The following CTNNA2 variants were observed in gnomAD, a reference collection of about 807,000 sequenced individuals.
CTNNA2 encodes the protein catenin alpha-2.
CTNNA2 carries 42 observed loss-of-function variants against 101.0 expected under a neutral mutation model. The ratio of observed to expected loss-of-function variants is 0.42; its 90% CI spans 0.32 to 0.54. The LOEUF (loss-of-function observed/expected upper bound fraction) is 0.54, where lower values mean the gene tolerates loss of function less well. CTNNA2 is among the 20% of genes least tolerant of loss of function. The pLI, the probability that CTNNA2 is intolerant of heterozygous loss-of-function variation, is 0.14. For missense variants in CTNNA2, 871 were observed against 1,223.1 expected, an observed-to-expected ratio of 0.71 and a Z score of 4.29; for synonymous variants, 450 against 456.4, an observed-to-expected ratio of 0.99 and a Z score of 0.18.
chr2:79,356,502 G>A (rs1205843930), intron 3 of CTNNA2, among the ~76,000 whole-genome samples: 1 of 152,166 alleles, frequency 6.6e-6, no homozygotes, highest in Non-Finnish European at 1.5e-5. Flanking sequence ...AAGAGGCTGA[G>A]ATGCCAAGAA....
intron 2 of CTNNA2, among the ~76,000 whole-genome samples, chr2:79,711,449 A>G (rs1025077291): frequency 1.3e-5 from 2 of 152,164 alleles, no homozygotes; most frequent in Non-Finnish European, 2.9e-5. Context: ...CCAATCCCAG[A>G]AGGCAGAAGG....
At chr2:80,220,335 A>C (rs558486010) in intron 7 of CTNNA2, among the ~76,000 whole-genome samples, 1 of 152,378 alleles carries the variant, frequency 6.6e-6, no homozygotes, top group South Asian at 2.1e-4. Context: ...CTCACAAATA[A>C]TAGAAGACTC....
At chr2:80,220,034 A>T (rs963011881) in intron 7 of CTNNA2, among the ~76,000 whole-genome samples, 3 of 152,270 alleles carry the variant, frequency 2.0e-5, no homozygotes, top group Admixed American at 6.5e-5. Context: ...AAAAATACCC[A>T]ACTTCCTGTG....
chr2:80,051,904 C>T (rs1198788407), intron 7 of CTNNA2, among the ~76,000 whole-genome samples: 1 of 152,168 alleles, frequency 6.6e-6, no homozygotes, highest in Non-Finnish European at 1.5e-5. Flanking sequence ...GTACTCTCGT[C>T]ATTTTCTTTT....
intron 12 of CTNNA2, among the ~76,000 whole-genome samples, chr2:80,559,177 A>C (rs1320299962): frequency 6.6e-6 from 1 of 152,220 alleles, no homozygotes; most frequent in Non-Finnish European, 1.5e-5. Flanking sequence ...ATAACCCAAA[A>C]TAGGGACAAG....
At chr2:79,790,682 G>T (rs1350572676) in intron 3 of CTNNA2, among the ~76,000 whole-genome samples, 3 of 152,138 alleles carry the variant, frequency 2.0e-5, no homozygotes, top group African/African-American at 7.2e-5. Flanking sequence ...AGAATTATCA[G>T]TTGGCTACCA....
chr2:79,726,629 C>G (rs1647320810), intron 2 of CTNNA2, among the ~76,000 whole-genome samples: 1 of 152,200 alleles, frequency 6.6e-6, no homozygotes, highest in African/African-American at 2.4e-5. Flanking sequence ...GCCCATGAAA[C>G]TGGTCCCTGG....
chr2:80,629,701 G>C (rs975867309), intron 18 of CTNNA2, among the ~76,000 whole-genome samples: 1 of 152,124 alleles, frequency 6.6e-6, no homozygotes, highest in Non-Finnish European at 1.5e-5. Context: ...TAGGGAGCTT[G>C]TTGTAGTTAT....
chr2:79,270,063 C>T (rs1014613120), intron 2 of CTNNA2, among the ~76,000 whole-genome samples: 2 of 152,118 alleles, frequency 1.3e-5, no homozygotes, highest in African/African-American at 4.8e-5. Context: ...GAGCATCTCT[C>T]TTCTTCCTTT....
At chr2:79,202,534 C>T (rs1674050916) in intron 2 of CTNNA2, among the ~76,000 whole-genome samples, 1 of 152,010 alleles carries the variant, frequency 6.6e-6, no homozygotes, top group Non-Finnish European at 1.5e-5. Flanking sequence ...CGTGAATGCA[C>T]CATATCAGAA....
At position 80,302,299 on chromosome 2, in the gene CTNNA2, A is replaced by G. The variant is rs1676403759; in HGVS notation, c.1057-90912A>G. 2 of 1,614,152 alleles carry G rather than the reference A, an allele frequency of 1.2e-6. No homozygotes were observed. The highest frequency in any genetic ancestry group is 4.5e-5 in the East Asian group (2 of 44,876). On this transcript the variant is annotated intron_variant, in intron 7 of 18. Coordinates refer to ENST00000402739, the MANE Select transcript of CTNNA2 (RefSeq NM_001282597.3). This position sits in a 1 kb window ranked among gnomAD's most constrained non-coding sequence, Gnocchi z 6.4. ...GCTGCTGGTGGCAGGTACACGAGCCATACTCGTTGATGATCACCAGGGCTC... is the reference window on the plus strand; with the variant it reads ...GCTGCTGGTGGCAGGTACACGAGCCGTACTCGTTGATGATCACCAGGGCTC...
chr2:79,841,874 G>T (rs539362331), intron 3 of CTNNA2, among the ~76,000 whole-genome samples: 1 of 152,268 alleles, frequency 6.6e-6, no homozygotes, highest in Admixed American at 6.5e-5. Flanking sequence ...AGAACAAAAA[G>T]GATTTGGGAC....
intron 3 of CTNNA2, among the ~76,000 whole-genome samples, chr2:79,749,347 T>C (rs1269977758): frequency 6.6e-6 from 1 of 152,194 alleles, no homozygotes; most frequent in African/African-American, 2.4e-5. Context: ...AGCATTTATA[T>C]TTAAAAGAAG....
chr2:80,091,211 C>T (rs1699770518), intron 7 of CTNNA2, among the ~76,000 whole-genome samples: 1 of 152,058 alleles, frequency 6.6e-6, no homozygotes, highest in African/African-American at 2.4e-5. Flanking sequence ...TTGCAGGGCT[C>T]TTGGTCAGTG....
chr2:79,486,853 G>C (rs1671163397), intron 4 of CTNNA2, among the ~76,000 whole-genome samples: 1 of 152,176 alleles, frequency 6.6e-6, no homozygotes, highest in Admixed American at 6.5e-5. Flanking sequence ...ACTCAGGCAA[G>C]ACTAACTTTC....
chr2:80,419,527 G>A lies in CTNNA2; in HGVS notation c.1216G>A (p.Ala406Thr). The A allele has an allele frequency of 6.2e-7, 1 of 1,613,770 alleles. No individual in the cohort carries two copies. Among genetic ancestry groups the A allele is most frequent in the East Asian group, 2.2e-5 (1 of 44,826 alleles). ...NVPLLVLIEAAKSGNEKEVKE... is the reference protein window; with the variant it reads ...NVPLLVLIEATKSGNEKEVKE... ...TCCTTTGCTAGTTCTCATTGAGGCT[G>A]CAAAGAGCGGAAATGAAAAGGAAGT... Residue 406 changes from alanine (A) to threonine (T), a missense_variant, in exon 9 of 19, where the codon GCA (alanine) becomes ACA (threonine). Ala to Thr is a moderately conservative substitution (Grantham distance 58). Around this residue, in one of 5 missense-constraint regions of CTNNA2, gnomAD observed 647 missense variants for 831.5 expected, o/e 0.78. Transcript: ENST00000402739.
At chr2:79,720,833 A>C (rs1030307260) in intron 2 of CTNNA2, among the ~76,000 whole-genome samples, 2 of 151,880 alleles carry the variant, frequency 1.3e-5, no homozygotes, top group Admixed American at 1.3e-4. Flanking sequence ...AGATAGTTTT[A>C]TTTCTTTTCC....
At chr2:80,163,549 T>C (rs527504665) in intron 7 of CTNNA2, among the ~76,000 whole-genome samples, 3 of 152,256 alleles carry the variant, frequency 2.0e-5, no homozygotes, top group African/African-American at 7.2e-5. Flanking sequence ...GTATAGGTTC[T>C]ATGGACACTT....
rs559287182 is a variant in CTNNA2, at chr2:79,358,454, C to T, written c.-317-15377C>T. Among the ~76,000 whole-genome samples the T allele has an allele frequency of 8.3e-4, 127 of 152,250 alleles. 1 individual carries two copies. Among genetic ancestry groups the T allele is most frequent in the Middle Eastern group, 3.4e-3 (1 of 294 alleles). ...ACCTCAGGTGATTCATCTGCCTCGG[C>T]CTCCCAAAGTGCTGGGAGTACAGGC... On this transcript the variant is annotated intron_variant, in intron 3 of 21. Coordinates refer to the CTNNA2 transcript ENST00000466387.
Sources: gnomAD v4.1 joint callset for allele counts (sites outside exome capture counted in the v4.1 genomes callset) on GRCh38, gnomAD v4.1.1 for gene constraint, gnomAD v4.1.1 regional missense constraint, Gnocchi (gnomAD v3.1) non-coding constraint, MANE v1.5 for transcripts, NCBI Gene and HGNC (gene_info 2026-07-23, HGNC 2026-07-21) for gene names.